Variants in MAPK10 observed in about 807,000 individuals in gnomAD.
The protein encoded by MAPK10 is JNK3 alpha protein kinase.
Under a neutral mutation model 59.3 loss-of-function variants are expected in MAPK10, and 25 were observed. The observed-to-expected ratio is 0.42, with a 90% confidence interval of 0.31 to 0.59. MAPK10 has a LOEUF of 0.59. Ranked by LOEUF, MAPK10 falls within the 20% of genes least tolerant of loss-of-function variation. The pLI is 0.15. For synonymous variants in MAPK10, 190 were observed against 200.5 expected, an observed-to-expected ratio of 0.95 and a Z score of 0.44; for missense variants, 351 against 568.9, an observed-to-expected ratio of 0.62 and a Z score of 3.90.
At chr4:86,118,732 C>G (rs1172190471) in intron 4 of MAPK10, among the ~76,000 whole-genome samples, 3 of 152,022 alleles carry the variant, frequency 2.0e-5, no homozygotes, top group Non-Finnish European at 4.4e-5. Flanking sequence ...ATTTATTTGA[C>G]AATTTTTCTT....
chr4:86,457,956 G>A (rs1413500872), upstream of MAPK10: 1 of 152,218 alleles, frequency 6.6e-6, no homozygotes, highest in Non-Finnish European at 1.5e-5. Context: ...GAGGTCAGGA[G>A]TTTGAGACCA....
At chr4:86,051,630 C>T (rs2043556733) in intron 11 of MAPK10, among the ~76,000 whole-genome samples, 2 of 152,184 alleles carry the variant, frequency 1.3e-5, no homozygotes, top group South Asian at 2.1e-4. Context: ...TCATTTTCAG[C>T]ATCATTAATG....
chr4:86,381,128 T>C (rs914934309), intron 1 of MAPK10, among the ~76,000 whole-genome samples: 5 of 152,184 alleles, frequency 3.3e-5, no homozygotes, highest in Admixed American at 1.3e-4. Context: ...TTGTCTTCTC[T>C]TGGAATCTTT....
At chr4:86,374,764 T>C (rs1407339032) in intron 1 of MAPK10, among the ~76,000 whole-genome samples, 2 of 152,228 alleles carry the variant, frequency 1.3e-5, no homozygotes, top group East Asian at 1.9e-4. Flanking sequence ...ATTCTGAGTT[T>C]CTTCAAATAG....
chr4:86,306,524 G>A (rs1165596310), intron 2 of MAPK10, among the ~76,000 whole-genome samples: 2 of 152,180 alleles, frequency 1.3e-5, no homozygotes, highest in Non-Finnish European at 2.9e-5. Flanking sequence ...GAATGAATGT[G>A]TCCATTAGCA....
intron 2 of MAPK10, among the ~76,000 whole-genome samples, chr4:86,273,408 CAT>C (rs2094489391): frequency 6.6e-6 from 1 of 151,940 alleles, no homozygotes; most frequent in South Asian, 2.1e-4. Context: ...TAATAGTAAA[CAT>C]GTTTCATTTT....
intron 1 of MAPK10, among the ~76,000 whole-genome samples, chr4:86,377,286 T>C (rs1739968874): frequency 6.6e-6 from 1 of 152,202 alleles, no homozygotes; most frequent in Admixed American, 6.5e-5. Context: ...CTATAGCAGC[T>C]TCCAGTACAG....
intron 1 of MAPK10, among the ~76,000 whole-genome samples, chr4:86,510,910 G>C (rs1034786098): frequency 6.6e-6 from 1 of 152,046 alleles, no homozygotes; most frequent in African/African-American, 2.4e-5. Flanking sequence ...CATGAAGAGA[G>C]GTTGGTTAAG....
chr4:86,225,710 C>A (rs2090488611), intron 2 of MAPK10, among the ~76,000 whole-genome samples: 2 of 152,082 alleles, frequency 1.3e-5, no homozygotes, highest in Non-Finnish European at 2.9e-5. Context: ...ATTTTAAAAG[C>A]TTTATGCTCA....
At chr4:86,157,452 T>A (rs962861012) in intron 4 of MAPK10, among the ~76,000 whole-genome samples, 10 of 152,016 alleles carry the variant, frequency 6.6e-5, no homozygotes, top group Admixed American at 5.3e-4. Context: ...TGTTTCAGTT[T>A]GTCTGTCCAT....
At chr4:86,190,504 T>C (rs112338043) in intron 3 of MAPK10, among the ~76,000 whole-genome samples, 22 of 152,284 alleles carry the variant, frequency 1.4e-4, no homozygotes, top group African/African-American at 4.6e-4. Flanking sequence ...ATTTAACCAT[T>C]TTTTCTAGAT....
chr4:86,129,122 AC>A (rs2060571821), intron 4 of MAPK10, among the ~76,000 whole-genome samples: 1 of 152,176 alleles, frequency 6.6e-6, no homozygotes, highest in African/African-American at 2.4e-5. Context: ...AGTTAGACTT[AC>A]TTTCTGGACA....
At position 86,014,303 on chromosome 4, in the gene MAPK10, G is replaced by GTTGT. The variant is rs1553900779; in HGVS notation, c.*2924_*2925insACAA. ...AGGTGACTATTTAAGAAATATTTGG[G>GTTGT]GTGTGTGTGTGTGTGTGTGTGTGTG... On this transcript the variant is annotated 3_prime_UTR_variant, in exon 14 of 14. Coordinates refer to ENST00000641462, the MANE Select transcript of MAPK10 (RefSeq NM_138982.4). The GTTGT allele has an allele frequency of 1.5e-3, 216 of 143,992 alleles. 2 individuals are homozygous for GTTGT. Among genetic ancestry groups the GTTGT allele is most frequent in the African/African-American group, 5.3e-3 (205 of 38,532 alleles). The allele number at this position is 143,992 out of a possible 1,614,324, so 8.9% of individuals were successfully genotyped here. A position where few individuals can be genotyped will look rare whatever the true frequency, so the allele number is the denominator to read the frequency against.
chr4:86,216,833 T>G (rs2087805665), intron 2 of MAPK10, among the ~76,000 whole-genome samples: 1 of 152,080 alleles, frequency 6.6e-6, no homozygotes, highest in African/African-American at 2.4e-5. Context: ...ACAAATATAG[T>G]TTTAGAAAAT....
At chr4:86,161,510 G>A (rs1224176219) in intron 3 of MAPK10, among the ~76,000 whole-genome samples, 1 of 152,048 alleles carries the variant, frequency 6.6e-6, no homozygotes, top group Non-Finnish European at 1.5e-5. Flanking sequence ...ATAAAGCCCT[G>A]CTTTTTTTCC....
chr4:86,467,552 G>A (rs1008762112), intron 1 of MAPK10, among the ~76,000 whole-genome samples: 3 of 151,750 alleles, frequency 2.0e-5, no homozygotes, highest in Admixed American at 1.3e-4. Context: ...ACGGAGTTTC[G>A]CTCTGTCACC....
chr4:86,183,214 G>A (rs968704907), intron 3 of MAPK10, among the ~76,000 whole-genome samples: 2 of 151,828 alleles, frequency 1.3e-5, no homozygotes, highest in African/African-American at 4.8e-5. Context: ...ATGTATACAT[G>A]TGCCATGTTG....
chr4:86,255,395 A>G (rs1451193874), intron 2 of MAPK10, among the ~76,000 whole-genome samples: 1 of 152,280 alleles, frequency 6.6e-6, no homozygotes, highest in African/African-American at 2.4e-5. Context: ...ACTCTTCTTC[A>G]TCAATGCACC....
intron 1 of MAPK10, among the ~76,000 whole-genome samples, chr4:86,397,028 C>T (rs1181820863): frequency 6.6e-6 from 1 of 151,902 alleles, no homozygotes; most frequent in African/African-American, 2.4e-5. Flanking sequence ...TGTGGTTCAC[C>T]TTGTGGCCCA....
Sources: gnomAD v4.1 joint callset for allele counts (sites outside exome capture counted in the v4.1 genomes callset) on GRCh38, gnomAD v4.1.1 for gene constraint, MANE v1.5 for transcripts, NCBI Gene and HGNC (gene_info 2026-07-23, HGNC 2026-07-21) for gene names.